BEST3: variants seen among roughly 807,000 people sequenced by gnomAD.
BEST3 encodes the protein bestrophin 3.
In BEST3, 50 loss-of-function variants were observed where a neutral mutation model predicts 47.1. That is an observed-to-expected ratio of 1.06 (90% CI 0.85 to 1.34). The LOEUF (loss-of-function observed/expected upper bound fraction) is 1.34, where lower values mean the gene tolerates loss of function less well. Among genes scored for constraint, BEST3 ranks in the 40% most tolerant of loss-of-function variants. The pLI, the probability that BEST3 is intolerant of heterozygous loss-of-function variation, is 0.00. For missense variants in BEST3, 765 were observed against 817.0 expected, an observed-to-expected ratio of 0.94 and a Z score of 0.78; for synonymous variants, 282 against 298.8, an observed-to-expected ratio of 0.94 and a Z score of 0.58.
At chr12:69,659,570 C>T (rs1883741869) in intron 9 of BEST3, among the ~76,000 whole-genome samples, 1 of 152,242 alleles carries the variant, frequency 6.6e-6, no homozygotes, top group South Asian at 2.1e-4. Flanking sequence ...CCAGGCTGGT[C>T]TTGAACTCCT....
In BEST3 at chr12:69,694,391, T is replaced by A; in HGVS notation, c.226A>T (p.Ile76Phe). 1.2e-6 allele frequency: 2 copies of A among 1,607,314 alleles called. No homozygotes were observed. Among genetic ancestry groups the A allele is most frequent in the Non-Finnish European group, 1.7e-6 (2 of 1,176,666 alleles). Residue 76 changes from isoleucine (I) to phenylalanine (F), a missense_variant, in exon 3 of 10, where the codon ATT (isoleucine) becomes TTT (phenylalanine). Transcript: ENST00000330891. ...SIYCDRYAEQ[I>F]PVTFVLGFYV... ...TTACCAAGCACAAAGGTTACTGGAA[T>A]TTGTTCAGCATATCTGTCACAGTAA... is the stretch of plus-strand genomic sequence containing the variant.
At position 69,678,883 on chromosome 12, in the gene BEST3, T is replaced by A. The variant is rs770642065; in HGVS notation, c.492A>T (p.Thr164=). The change falls in exon 5 of 10, where the codon ACA becomes ACT. Residue 164 remains threonine, a synonymous_variant. Transcript: ENST00000330891. ...MDHVVEAGFM[T]TDERKLFNHL... ...GGTTGAATAATTTCCTTTCATCTGT[T>A]GTCATAAAACCTTTACAAAAAAATA... 1 of 1,613,500 alleles carries A rather than the reference T, an allele frequency of 6.2e-7. No individual in the cohort carries two copies. The highest frequency in any genetic ancestry group is 1.7e-5 in the Admixed American group (1 of 59,972).
Position 69,654,509 on chromosome 12 carries a change from A to G in BEST3, c.*398T>C. ...CTAAAGAAAAAAAGAAAGAGAAAAA[A>G]GAAGAGAAATAGAGAACCCTGCGTG... On this transcript the variant is annotated 3_prime_UTR_variant, in exon 10 of 10. Coordinates refer to ENST00000330891, the MANE Select transcript of BEST3 (RefSeq NM_032735.3). 1 of 991,020 alleles carries G rather than the reference A, an allele frequency of 1.0e-6. No individual in the cohort carries two copies. The highest frequency in any genetic ancestry group is 1.2e-6 in the Non-Finnish European group (1 of 833,812). 61.4% of individuals were successfully genotyped at this position (991,020 alleles called of 1,614,324 possible).
chr12:69,692,606 T>C (rs1237725964), intron 4 of BEST3, among the ~76,000 whole-genome samples: 1 of 152,238 alleles, frequency 6.6e-6, no homozygotes, highest in Non-Finnish European at 1.5e-5. Flanking sequence ...TAATTCTGGC[T>C]TTTCCACTGA....
At chr12:69,671,327 A>T in intron 9 of BEST3, 101 bp downstream of exon 9, 1 of 1,192,230 alleles carries the variant, frequency 8.4e-7, no homozygotes, top group Non-Finnish European at 1.1e-6. Flanking sequence ...ACAGTTGGCT[A>T]CTTTAAATTA....
At chr12:69,693,078 T>G (rs1885983137) in intron 4 of BEST3, among the ~76,000 whole-genome samples, 1 of 152,210 alleles carries the variant, frequency 6.6e-6, no homozygotes, top group Non-Finnish European at 1.5e-5. Flanking sequence ...ATGTTTACCT[T>G]AAGGCAACGT....
intron 9 of BEST3, among the ~76,000 whole-genome samples, chr12:69,647,426 G>C (rs1883074036): frequency 6.6e-6 from 1 of 152,152 alleles, no homozygotes; most frequent in Non-Finnish European, 1.5e-5. Flanking sequence ...GCAGGCATTT[G>C]GAAGGAAGTT....
At chr12:69,674,765 C>A (rs1483341426) in intron 7 of BEST3, among the ~76,000 whole-genome samples, 1 of 152,096 alleles carries the variant, frequency 6.6e-6, no homozygotes, top group African/African-American at 2.4e-5. Context: ...CAGCAAGTAA[C>A]TGAGTGATAT....
downstream of BEST3, among the ~76,000 whole-genome samples, chr12:69,652,472 C>T (rs1339307974): frequency 6.6e-6 from 1 of 152,080 alleles, no homozygotes; most frequent in Non-Finnish European, 1.5e-5. Flanking sequence ...TGAGCAATTG[C>T]TGGTTTGATT....
chr12:69,677,030 G>T lies in BEST3; in HGVS notation c.753C>A (p.Cys251Ter). Residue 251 changes from cysteine (C) to a stop codon, truncating the protein, a stop_gained, in exon 7 of 10, where the codon TGC (cysteine) becomes TGA (stop). Coordinates refer to ENST00000330891, the MANE Select transcript of BEST3 (RefSeq NM_032735.3). LOFTEE classifies it high-confidence loss of function. Reference sequence around the variant, plus strand: ...GATCCAAAAACTGGCGTCCAATCAGGCACGCAAAGAAGAAGGTATAGACAG... The same window carrying T: ...GATCCAAAAACTGGCGTCCAATCAGTCACGCAAAGAAGAAGGTATAGACAG... ...TLAVYTFFFA[C>*]LIGRQFLDPT... The T allele has an allele frequency of 6.2e-7, 1 of 1,614,194 alleles. No individual in the cohort carries two copies. Among genetic ancestry groups the T allele is most frequent in the Non-Finnish European group, 8.5e-7 (1 of 1,180,024 alleles).
At chr12:69,662,002 G>T (rs954113543) in intron 9 of BEST3, among the ~76,000 whole-genome samples, 2 of 152,126 alleles carry the variant, frequency 1.3e-5, no homozygotes, top group Admixed American at 6.6e-5. Flanking sequence ...TTCACTTAAA[G>T]TTCCCTCTTT....
intron 4 of BEST3, among the ~76,000 whole-genome samples, chr12:69,679,494 C>A (rs536836369): frequency 6.6e-6 from 1 of 152,308 alleles, no homozygotes; most frequent in Admixed American, 6.5e-5. Flanking sequence ...GTTTCCCTTA[C>A]TATGACCCTT....
intron 4 of BEST3, among the ~76,000 whole-genome samples, chr12:69,687,614 T>C (rs1169415776): frequency 6.8e-6 from 1 of 146,282 alleles, no homozygotes; most frequent in Non-Finnish European, 1.5e-5. Context: ...CTGTAAGCTA[T>C]GACCGTGCTA....
At chr12:69,679,040 T>G (rs1244869396) in intron 4 of BEST3, 147 bp from the exon 5 acceptor site, 6 of 699,700 alleles carry the variant, frequency 8.6e-6, no homozygotes, top group Non-Finnish European at 1.4e-5. Flanking sequence ...AGTTTATACT[T>G]GCATTAGAGT....
Position 69,677,014 on chromosome 12 carries a change from A to C in BEST3, c.769T>G (p.Phe257Val). 1 of 1,614,172 alleles carries C rather than the reference A, an allele frequency of 6.2e-7. No individual in the cohort carries two copies. Among genetic ancestry groups the C allele is most frequent in the Non-Finnish European group, 8.5e-7 (1 of 1,180,022 alleles). Residue 257 changes from phenylalanine (F) to valine (V), a missense_variant, in exon 7 of 10, where the codon TTT becomes GTT. Transcript: ENST00000330891. Reference protein sequence around the residue: ...FFFACLIGRQFLDPTKGYAGH... With the variant: ...FFFACLIGRQVLDPTKGYAGH... ...GCGTAGCCTTTGGTGGGATCCAAAAACTGGCGTCCAATCAGGCACGCAAAG... is the reference window on the plus strand; with the variant it reads ...GCGTAGCCTTTGGTGGGATCCAAAACCTGGCGTCCAATCAGGCACGCAAAG...
In BEST3 at chr12:69,655,278, T is replaced by TG; in HGVS notation, c.1635dup (p.Met546HisfsTer27). ...TCTGAGGGAGACAGGATGGATCCCA[T>TG]GGGGCCCTGCTGCTGCTCAGTCTTG... On this transcript the variant is annotated frameshift_variant, in exon 10 of 10. Transcript: ENST00000330891. LOFTEE classifies it low-confidence loss of function (END_TRUNC). 1 of 1,614,160 alleles carries TG rather than the reference T, an allele frequency of 6.2e-7. No individual in the cohort carries two copies. The highest frequency in any genetic ancestry group is 8.5e-7 in the Non-Finnish European group (1 of 1,180,018).
intron 4 of BEST3, among the ~76,000 whole-genome samples, chr12:69,680,003 G>C (rs186135111): frequency 2.2e-4 from 33 of 152,256 alleles, no homozygotes; most frequent in African/African-American, 7.2e-4. Context: ...CTGTAAAAGA[G>C]AGATAATATT....
downstream of BEST3, among the ~76,000 whole-genome samples, chr12:69,652,699 C>T (rs896420068): frequency 2.0e-5 from 3 of 152,090 alleles, no homozygotes; most frequent in Non-Finnish European, 4.4e-5. Context: ...TAATTTATCA[C>T]CTTGGATTTA....
At chr12:69,645,969 C>T (rs892020514) in intron 9 of BEST3, among the ~76,000 whole-genome samples, 1 of 152,188 alleles carries the variant, frequency 6.6e-6, no homozygotes, top group African/African-American at 2.4e-5. Context: ...TGGAGTCTCG[C>T]TCTGTCACCC....
Sources: gnomAD v4.1 joint callset for allele counts (sites outside exome capture counted in the v4.1 genomes callset) on GRCh38, gnomAD v4.1.1 for gene constraint, MANE v1.5 for transcripts, NCBI Gene and HGNC (gene_info 2026-07-23, HGNC 2026-07-21) for gene names.